The following TBK1 variants were observed in gnomAD, a reference collection of about 807,000 sequenced individuals.
TBK1 encodes TANK binding kinase 1.
In TBK1, 37 loss-of-function variants were observed where a neutral mutation model predicts 99.9. The observed-to-expected ratio is 0.37, with a 90% CI of 0.28 to 0.49. TBK1 has a LOEUF of 0.49. Among genes scored for constraint, TBK1 ranks in the 20% least tolerant of loss-of-function variants. The probability of loss-of-function intolerance (pLI) is 0.98; values close to 1 mark genes in which losing one functional copy is unlikely to be tolerated. For synonymous variants in TBK1, 258 were observed against 279.8 expected (o/e 0.92, Z 0.78); for missense variants, 644 against 872.5 (o/e 0.74, Z 3.30).
intron 13 of TBK1, among the ~76,000 whole-genome samples, chr12:64,494,441 T>C (rs1006550214): frequency 3.3e-5 from 5 of 152,294 alleles, no homozygotes; most frequent in Non-Finnish European, 4.4e-5. Flanking sequence ...ATTGCACCAC[T>C]GCACTCCAGC....
At chr12:64,457,115 C>T (rs1192428695) in intron 2 of TBK1, among the ~76,000 whole-genome samples, 1 of 152,026 alleles carries the variant, frequency 6.6e-6, no homozygotes, top group Non-Finnish European at 1.5e-5. Flanking sequence ...GGGCCCTAAA[C>T]GTTTTAGTAG....
At chr12:64,471,373 G>A (rs951301684) in intron 5 of TBK1, among the ~76,000 whole-genome samples, 6 of 151,458 alleles carry the variant, frequency 4.0e-5, no homozygotes, top group African/African-American at 1.2e-4. Flanking sequence ...ATACTTTTGA[G>A]ACAGAGTCTC....
chr12:64,459,135 G>GAGCCATGAAATGTCTTT (rs1309475640), intron 2 of TBK1, among the ~76,000 whole-genome samples: 12 of 152,164 alleles, frequency 7.9e-5, no homozygotes, highest in African/African-American at 2.9e-4. Flanking sequence ...TCCTGACAGA[G>GAGCCATGAAATGTCTTT]AGCCATGAAA....
Position 64,495,593 on chromosome 12 carries a change from G to A in TBK1, c.1632G>A (p.Pro544=), listed in dbSNP as rs1474665301. ...DAWAHQEGTH[P]KDRNVEKLQV... is the part of the protein sequence containing the mutation. ...GGGCACATCAAGAAGGCACTCATCC[G>A]AAAGACAGAAAGTAGGTTATAGCTT... The change falls in exon 14 of 21, where the codon CCG becomes CCA. Residue 544 remains proline, a synonymous_variant. Transcript: ENST00000331710. The A allele has an allele frequency of 9.9e-6, 16 of 1,613,926 alleles. 1 individual carries two copies. Among genetic ancestry groups the A allele is most frequent in the Admixed American group, 5.0e-5 (3 of 59,956 alleles).
At chr12:64,498,594 AC>A (rs2040953755) in intron 20 of TBK1, among the ~76,000 whole-genome samples, 1 of 152,240 alleles carries the variant, frequency 6.6e-6, no homozygotes, top group African/African-American at 2.4e-5. Context: ...CTGTAATAGA[AC>A]CTTTTCTTTT....
At chr12:64,495,926 TAAAAAAAAA>T (rs369559731) in intron 15 of TBK1, 151 bp downstream of exon 15, 4 of 386,298 alleles carry the variant, frequency 1.0e-5, no homozygotes, top group African/African-American at 9.2e-5. Context: ...TTGATTGTGT[TAAAAAAAAA>T]AAAAAAAACT....
chr12:64,476,083 A>T (rs1017023119), intron 6 of TBK1, among the ~76,000 whole-genome samples: 1 of 148,256 alleles, frequency 6.7e-6, no homozygotes, highest in Non-Finnish European at 1.5e-5. Context: ...ATCTCATTGC[A>T]GTTTTGATTT....
intron 11 of TBK1, among the ~76,000 whole-genome samples, chr12:64,486,294 TTGTCATTTAACTA>T (rs1447173828): frequency 3.9e-5 from 6 of 152,216 alleles, no homozygotes; most frequent in African/African-American, 1.4e-4. Flanking sequence ...GAGTAGTTGG[TTGTCATTTAACTA>T]TGTTAGAAGT....
At chr12:64,479,866 T>A in intron 6 of TBK1, 146 bp from the exon 7 acceptor site, 1 of 521,862 alleles carries the variant, frequency 1.9e-6, no homozygotes, top group Non-Finnish European at 3.4e-6. Context: ...GTATTTTGAT[T>A]GTTTTATGGA....
intron 2 of TBK1, among the ~76,000 whole-genome samples, chr12:64,459,458 T>C (rs2040523410): frequency 6.6e-6 from 1 of 152,228 alleles, no homozygotes; most frequent in African/African-American, 2.4e-5. Flanking sequence ...TTGTGTGTGA[T>C]GTAGGTCATG....
In TBK1 at chr12:64,495,615, G is replaced by A; in HGVS notation, c.1643+11G>A. On this transcript the variant is annotated intron_variant, in intron 14 of 20. Transcript: ENST00000331710. ...TCCGAAAGACAGAAAGTAGGTTATA[G>A]CTTTATGCGTAGTTTCTGCTCTTAT... 1.2e-6 allele frequency: 2 copies of A among 1,613,276 alleles called. No homozygotes were observed. The highest frequency in any genetic ancestry group is 1.7e-6 in the Non-Finnish European group (2 of 1,179,780).
chr12:64,480,182 C>T (rs534677381), intron 7 of TBK1, 60 bp downstream of exon 7: 14 of 1,216,294 alleles, frequency 1.2e-5, no homozygotes, highest in African/African-American at 1.1e-4. Flanking sequence ...TCTTTGTTGC[C>T]TAGAACCACA....
intron 20 of TBK1, among the ~76,000 whole-genome samples, chr12:64,499,578 C>T (rs2040965868): frequency 6.6e-6 from 1 of 151,250 alleles, no homozygotes; most frequent in African/African-American, 2.4e-5. Context: ...AAATATTTTC[C>T]TTGTTTATAG....
Position 64,466,657 on chromosome 12 carries a change from C to G in TBK1, c.359-244C>G, listed in dbSNP as rs116841618. 0.011 allele frequency among the ~76,000 whole-genome samples: 1,627 copies of G among 151,978 alleles called. 18 individuals are homozygous for G. Among genetic ancestry groups the G allele is most frequent in the Middle Eastern group, 0.034 (10 of 294 alleles). On this transcript the variant is annotated intron_variant, in intron 4 of 20. Transcript: ENST00000331710. ...GTTTTGTTACATTTTCCTGGTAGTA[C>G]TTAAGAGACACTGGATTTTTCCTTA...
intron 20 of TBK1, among the ~76,000 whole-genome samples, chr12:64,499,822 C>T (rs2040969732): frequency 6.6e-6 from 1 of 151,572 alleles, no homozygotes; most frequent in East Asian, 2.0e-4. Context: ...CTCAGCCTCC[C>T]GAGTAACTGG....
intron 11 of TBK1, among the ~76,000 whole-genome samples, chr12:64,486,806 G>A (rs919667672): frequency 8.6e-5 from 13 of 151,998 alleles, no homozygotes; most frequent in Admixed American, 5.9e-4. Flanking sequence ...TCAGAGTTGT[G>A]CAGCCATCAT....
Position 64,486,003 on chromosome 12 carries a change from G to A in TBK1, c.1326G>A (p.Gly442=). The A allele has an allele frequency of 6.3e-7, 1 of 1,586,324 alleles. No homozygotes were observed. The highest frequency in any genetic ancestry group is 1.1e-5 in the South Asian group (1 of 87,168). ...TTTATCAGGAATTAATGCGAAAGGG[G>A]ATACGATGGCTGATGTAAGTAATAG... The part of the protein sequence containing the change: ...LLLYQELMRK[G]IRWLIELIKD... Residue 442 remains glycine (G), a synonymous_variant, in exon 11 of 21, where the codon GGG becomes GGA. Transcript: ENST00000331710.
chr12:64,466,266 A>G (rs1050030128), intron 4 of TBK1, among the ~76,000 whole-genome samples: 5 of 152,196 alleles, frequency 3.3e-5, no homozygotes, highest in Admixed American at 6.5e-5. Flanking sequence ...GCCCTCAAGC[A>G]AATGTATAAA....
intron 11 of TBK1, among the ~76,000 whole-genome samples, chr12:64,487,447 A>C (rs1294880200): frequency 6.6e-6 from 1 of 152,032 alleles, no homozygotes; most frequent in Non-Finnish European, 1.5e-5. Flanking sequence ...GCATTATATG[A>C]AACCCATAAA....
Sources: allele counts gnomAD v4.1 joint callset (sites outside exome capture counted in the v4.1 genomes callset), GRCh38; gene constraint gnomAD v4.1.1; transcripts MANE v1.5; gene names NCBI Gene and HGNC (gene_info 2026-07-23, HGNC 2026-07-21).